Variants in SNX25 observed in about 807,000 individuals in gnomAD.
SNX25 encodes sorting nexin 25.
A neutral mutation model predicts 113.7 loss-of-function variants in SNX25; 62 were observed. The observed-to-expected ratio is 0.55, with a 90% CI of 0.44 to 0.67. SNX25 has a LOEUF of 0.67. SNX25 is among the 30% of genes least tolerant of loss of function. The probability of loss-of-function intolerance (pLI) is 0.00; values close to 1 mark genes in which losing one functional copy is unlikely to be tolerated. For synonymous variants in SNX25, 421 were observed against 436.2 expected, an observed-to-expected ratio of 0.97 and a Z score of 0.43; for missense variants, 1,014 against 1,161.0, an observed-to-expected ratio of 0.87 and a Z score of 1.84.
downstream of SNX25, chr4:185,374,540 G>A: frequency 6.8e-7 from 1 of 1,473,486 alleles, no homozygotes; most frequent in Non-Finnish European, 9.2e-7. Flanking sequence ...ATAAGGCTGT[G>A]AAGTGTCCGC....
intron 1 of SNX25, among the ~76,000 whole-genome samples, chr4:185,220,484 CTTT>C (rs33968295): frequency 7.6e-6 from 1 of 131,836 alleles, no homozygotes; most frequent in Non-Finnish European, 1.6e-5. Context: ...AACTGAGTCC[CTTT>C]TTTTTTTTTT....
intron 6 of SNX25, among the ~76,000 whole-genome samples, chr4:185,293,041 CAT>C (rs1196729598): frequency 7.9e-5 from 12 of 152,180 alleles, no homozygotes; most frequent in Non-Finnish European, 1.5e-4. Context: ...GTATCCATAA[CAT>C]ATAAAGAACT....
At chr4:185,355,318 C>T (rs761815815) in intron 15 of SNX25, among the ~76,000 whole-genome samples, 1 of 152,118 alleles carries the variant, frequency 6.6e-6, no homozygotes. Flanking sequence ...TGTCAATCAT[C>T]AAAGACTTTG....
intron 1 of SNX25, among the ~76,000 whole-genome samples, chr4:185,217,396 A>G (rs181548242): frequency 4.7e-4 from 71 of 152,322 alleles, no homozygotes; most frequent in Non-Finnish European, 6.0e-4. Context: ...TATCATTACA[A>G]TAGGTTCAAG....
At chr4:185,256,686 C>T (rs1195862940) in intron 2 of SNX25, among the ~76,000 whole-genome samples, 4 of 139,012 alleles carry the variant, frequency 2.9e-5, no homozygotes, top group Non-Finnish European at 6.1e-5. Flanking sequence ...AATGCAGTGG[C>T]GCTGTCTTGA....
the SNX25 span, chr4:185,378,085 CTT>C: frequency 1.2e-6 from 2 of 1,611,994 alleles, no homozygotes; most frequent in Non-Finnish European, 1.7e-6. Context: ...TTGTACCAGT[CTT>C]TTCCTTTTTC....
downstream of SNX25, chr4:185,374,253 G>C (rs367865713): frequency 6.2e-7 from 1 of 1,614,146 alleles, no homozygotes; most frequent in Non-Finnish European, 8.5e-7. Context: ...ACAAGAGAAA[G>C]TGAGGCATGT....
intron 3 of SNX25, among the ~76,000 whole-genome samples, chr4:185,263,275 A>T (rs1335794696): frequency 6.6e-6 from 1 of 152,162 alleles, no homozygotes; most frequent in Non-Finnish European, 1.5e-5. Context: ...AGCTAAATAT[A>T]TATTTAAAAA....
chr4:185,213,147 T>A (rs1367590177), intron 1 of SNX25, among the ~76,000 whole-genome samples: 1 of 152,240 alleles, frequency 6.6e-6, no homozygotes. Context: ...GACCTATAAT[T>A]GACACCTTTT....
chr4:185,335,568 G>C (rs1160500785), intron 10 of SNX25, among the ~76,000 whole-genome samples: 1 of 152,154 alleles, frequency 6.6e-6, no homozygotes, highest in African/African-American at 2.4e-5. Context: ...TTCTCTCACA[G>C]ATCTCTGTAC....
chr4:185,331,468 A>G (rs1474140929), intron 9 of SNX25, among the ~76,000 whole-genome samples: 1 of 152,196 alleles, frequency 6.6e-6, no homozygotes, highest in African/African-American at 2.4e-5. Context: ...TTATATAACT[A>G]TTTATAGACA....
chr4:185,266,614 A>C (rs570524684), intron 4 of SNX25, among the ~76,000 whole-genome samples: 1 of 152,270 alleles, frequency 6.6e-6, no homozygotes, highest in Admixed American at 6.5e-5. Context: ...CACCTGTCTC[A>C]GCCTCCCAAA....
At chr4:185,235,581 C>T (rs1742494756) in intron 1 of SNX25, among the ~76,000 whole-genome samples, 1 of 152,212 alleles carries the variant, frequency 6.6e-6, no homozygotes, top group Admixed American at 6.5e-5. Context: ...CCTTCGGTTT[C>T]TTCTCAGCCG....
At position 185,323,662 on chromosome 4, in the gene SNX25, C is replaced by T. The variant is rs927106911; in HGVS notation, c.1611C>T (p.Tyr537=). ...GAAATAAAGGTATTGAAGTATTCTA[C>T]AAAATCCAGGAAGATGTTTATGAGA... ...LVGNKGIEVF[Y]KIQEDVYETL... The change falls in exon 9 of 19, where the codon TAC becomes TAT. Residue 537 remains tyrosine (Y), a synonymous_variant. Coordinates refer to ENST00000652585, the MANE Select transcript of SNX25 (RefSeq NM_001378034.2). 22 of 1,613,604 alleles carry T rather than the reference C, an allele frequency of 1.4e-5. No individual in the cohort carries two copies. The highest frequency in any genetic ancestry group is 1.8e-5 in the Non-Finnish European group (21 of 1,179,838).
chr4:185,360,933 ATAT>A (rs1325690824), intron 16 of SNX25, among the ~76,000 whole-genome samples: 6 of 79,896 alleles, frequency 7.5e-5, no homozygotes, highest in Admixed American at 2.7e-4. Flanking sequence ...AAAAAATAAT[ATAT>A]ATATATATAT....
intron 1 of SNX25, among the ~76,000 whole-genome samples, chr4:185,224,527 ACATATATATAAATAT>A (rs1560905038): frequency 1.9e-5 from 2 of 103,458 alleles, no homozygotes; most frequent in Non-Finnish European, 4.4e-5. Context: ...AAATATATAT[ACATATATATAAATAT>A]ATATACATAT....
Position 185,339,455 on chromosome 4 carries a change from C to T in SNX25, c.1991C>T (p.Thr664Met), listed in dbSNP as rs1172291640. 45 of 1,613,880 alleles carry T rather than the reference C, an allele frequency of 2.8e-5. No homozygotes were observed. In the Admixed American group the frequency reaches 2.8e-4, roughly 10 times the overall value. Reference sequence around the variant, plus strand: ...GACCTTCAGCTGCACATGGCAAGAACGGATTGGTGGTGTGAAAACCTTGGC... The same window carrying T: ...GACCTTCAGCTGCACATGGCAAGAATGGATTGGTGGTGTGAAAACCTTGGC... ...RTDLQLHMARTDWWCENLGMW... is the reference protein window; with the variant it reads ...RTDLQLHMARMDWWCENLGMW... Residue 664 changes from threonine to methionine, a missense_variant, in exon 11 of 19, where the codon ACG becomes ATG. Coordinates refer to ENST00000652585, the MANE Select transcript of SNX25 (RefSeq NM_001378034.2).
rs759273677 is a variant in SNX25, at chr4:185,361,910, TTTTCTC to T, written c.2652-11_2652-6del. The T allele has an allele frequency of 6.2e-7, 1 of 1,611,162 alleles. No individual in the cohort carries two copies. Among genetic ancestry groups the T allele is most frequent in the South Asian group, 1.1e-5 (1 of 90,662 alleles). On this transcript the variant is annotated splice_polypyrimidine_tract_variant and splice_region_variant and intron_variant, in intron 16 of 18. Coordinates refer to ENST00000652585, the MANE Select transcript of SNX25 (RefSeq NM_001378034.2). Reference sequence around the variant, plus strand: ...TTTAAAAACCTCATCCAAGAAATCTTTTTCTCTTAAAAGACAAATCCGGGACACAGT... The same window carrying T: ...TTTAAAAACCTCATCCAAGAAATCTTTTAAAAGACAAATCCGGGACACAGT...
intron 6 of SNX25, among the ~76,000 whole-genome samples, chr4:185,297,657 C>G (rs1051198082): frequency 6.6e-6 from 1 of 152,170 alleles, no homozygotes; most frequent in Non-Finnish European, 1.5e-5. Flanking sequence ...GATCAAGGTA[C>G]TGGCAGATTT....
Sources: gnomAD v4.1 joint callset for allele counts (sites outside exome capture counted in the v4.1 genomes callset) on GRCh38, gnomAD v4.1.1 for gene constraint, MANE v1.5 for transcripts, NCBI Gene and HGNC (gene_info 2026-07-23, HGNC 2026-07-21) for gene names.